The following PLAG1 variants were observed in gnomAD, a reference collection of about 807,000 sequenced individuals.
PLAG1 encodes the protein zinc finger protein PLAG1.
PLAG1 carries 7 observed loss-of-function variants against 35.5 expected under a neutral mutation model. That is an observed-to-expected ratio of 0.20 (90% CI 0.11 to 0.37). PLAG1 has a LOEUF of 0.37. Ranked by LOEUF, PLAG1 falls within the 10% of genes least tolerant of loss-of-function variation. PLAG1 has a pLI of 1.00. For missense variants in PLAG1, 454 were observed against 602.8 expected (o/e 0.75, Z 2.58); for synonymous variants, 229 against 225.4 (o/e 1.02, Z -0.14).
chr8:56,166,105 T>C lies in PLAG1; in HGVS notation c.*138A>G. On this transcript the variant is annotated 3_prime_UTR_variant, in exon 5 of 5. Coordinates refer to ENST00000316981, the MANE Select transcript of PLAG1 (RefSeq NM_002655.3). The stretch of plus-strand genomic sequence containing the variant: ...CTCAGTTTAAAAGCTAGTTTCTATT[T>C]TATACTGGCTTAATGAAAATTTGTA... 1 of 562,416 alleles carries C rather than the reference T, an allele frequency of 1.8e-6. No individual in the cohort carries two copies. Among genetic ancestry groups the C allele is most frequent in the Non-Finnish European group, 3.1e-6 (1 of 324,410 alleles). The allele number at this position is 562,416 out of a possible 1,614,324, so 34.8% of individuals were successfully genotyped here. A position where few individuals can be genotyped will look rare whatever the true frequency, so the allele number is the denominator to read the frequency against.
At chr8:56,202,389 G>T (rs945432588) in intron 1 of PLAG1, among the ~76,000 whole-genome samples, 1 of 152,136 alleles carries the variant, frequency 6.6e-6, no homozygotes. Flanking sequence ...CCATACACAG[G>T]GTGGCAGCAC....
chr8:56,178,159 T>G (rs891264590), intron 2 of PLAG1: 11 of 194,820 alleles, frequency 5.6e-5, no homozygotes, highest in African/African-American at 2.6e-4. Flanking sequence ...AAATTCAAAA[T>G]CTTTAAAAGA....
At chr8:56,201,803 G>A (rs1438538364) in intron 1 of PLAG1, among the ~76,000 whole-genome samples, 1 of 152,170 alleles carries the variant, frequency 6.6e-6, no homozygotes, top group Non-Finnish European at 1.5e-5. Context: ...AGCAAAGACT[G>A]ATAGGTAGCC....
At chr8:56,203,281 G>T (rs1812608982) in intron 1 of PLAG1, among the ~76,000 whole-genome samples, 1 of 152,108 alleles carries the variant, frequency 6.6e-6, no homozygotes, top group Non-Finnish European at 1.5e-5. Flanking sequence ...GTATATTTCA[G>T]CAGTAAATCA....
intron 1 of PLAG1, among the ~76,000 whole-genome samples, chr8:56,202,074 A>G (rs1279888029): frequency 6.6e-6 from 1 of 151,416 alleles, no homozygotes; most frequent in East Asian, 1.9e-4. Context: ...TTCTTATTTG[A>G]TCAATTTCAA....
chr8:56,207,702 T>C (rs1255082137), intron 1 of PLAG1, among the ~76,000 whole-genome samples: 3 of 152,070 alleles, frequency 2.0e-5, no homozygotes, highest in Non-Finnish European at 4.4e-5. Flanking sequence ...CTACACAATA[T>C]CATGACATTA....
chr8:56,192,897 CA>C, intron 1 of PLAG1, among the ~76,000 whole-genome samples: 1 of 151,824 alleles, frequency 6.6e-6, no homozygotes, highest in East Asian at 1.9e-4. Context: ...CAGACAGACA[CA>C]AACACAAAAG....
At chr8:56,195,607 G>C (rs559257830) in intron 1 of PLAG1, among the ~76,000 whole-genome samples, 15 of 152,304 alleles carry the variant, frequency 9.8e-5, no homozygotes, top group Admixed American at 9.8e-4. Context: ...TCCAGGGCTG[G>C]TGAAGACTGC....
chr8:56,210,061 C>A (rs570759238), intron 1 of PLAG1, among the ~76,000 whole-genome samples: 1 of 152,152 alleles, frequency 6.6e-6, no homozygotes, highest in Non-Finnish European at 1.5e-5. Flanking sequence ...ACCACCTCCC[C>A]CCTCGCTCCC....
At position 56,164,944 on chromosome 8, in the gene PLAG1, T is replaced by C. The variant is rs1469099380; in HGVS notation, c.*1299A>G. ...ATATATTTCTAGTCACTTAAAACTT[T>C]GTGGTAGTTCATCAGGTAGTTTTCT... is the stretch of plus-strand genomic sequence containing the variant. On this transcript the variant is annotated 3_prime_UTR_variant, in exon 5 of 5. Transcript: ENST00000316981. The C allele has an allele frequency of 4.8e-6, 1 of 208,510 alleles. No homozygotes were observed. The highest frequency in any genetic ancestry group is 9.8e-6 in the Non-Finnish European group (1 of 102,324). The allele number at this position is 208,510 out of a possible 1,614,324, so 12.9% of individuals were successfully genotyped here.
intron 1 of PLAG1, among the ~76,000 whole-genome samples, chr8:56,201,633 A>T (rs1812555675): frequency 6.6e-6 from 1 of 152,218 alleles, no homozygotes; most frequent in African/African-American, 2.4e-5. Context: ...CAAATAACAT[A>T]TAATAATTAG....
At chr8:56,194,818 C>T (rs1021408067) in intron 1 of PLAG1, among the ~76,000 whole-genome samples, 12 of 152,134 alleles carry the variant, frequency 7.9e-5, no homozygotes, top group Non-Finnish European at 1.5e-4. Flanking sequence ...AGTGAAGACT[C>T]TGAACCGTTT....
Position 56,164,543 on chromosome 8 carries a change from C to A in PLAG1, c.*1700G>T. 1 of 224,034 alleles carries A rather than the reference C, an allele frequency of 4.5e-6. No homozygotes were observed. The highest frequency in any genetic ancestry group is 8.9e-6 in the Non-Finnish European group (1 of 112,044). 13.9% of individuals were successfully genotyped at this position (224,034 alleles called of 1,614,324 possible). A position where few individuals can be genotyped will look rare whatever the true frequency, so the allele number is the denominator to read the frequency against. On this transcript the variant is annotated 3_prime_UTR_variant, in exon 5 of 5. Transcript: ENST00000316981. ...TTTCCATATAGGGCTAATGAGTGCT[C>A]AGAAATATTTTTCTTTCTGTTTTTT...
rs981020015 is a variant in PLAG1 at position 56,161,692 on chromosome 8, G to T, written c.*4551C>A. 1 of 227,440 alleles carries T rather than the reference G, an allele frequency of 4.4e-6. No individual in the cohort carries two copies. Among genetic ancestry groups the T allele is most frequent in the Non-Finnish European group, 8.8e-6 (1 of 114,216 alleles). The allele number at this position is 227,440 out of a possible 1,614,324, so 14.1% of individuals were successfully genotyped here. A position where few individuals can be genotyped will look rare whatever the true frequency, so the allele number is the denominator to read the frequency against. On this transcript the variant is annotated 3_prime_UTR_variant, in exon 5 of 5. Coordinates refer to ENST00000316981, the MANE Select transcript of PLAG1 (RefSeq NM_002655.3). ...TTAAGTCACAGTATAAAAATATATTGTACACTTTTACACCTAATGTAGTCC... is the reference window on the plus strand; with the variant it reads ...TTAAGTCACAGTATAAAAATATATTTTACACTTTTACACCTAATGTAGTCC...
chr8:56,169,771 A>G (rs2129225203), intron 3 of PLAG1, among the ~76,000 whole-genome samples: 1 of 152,328 alleles, frequency 6.6e-6, no homozygotes, highest in Non-Finnish European at 1.5e-5. Flanking sequence ...CTTGAACTCC[A>G]GGGCTCAAGC....
rs140193643 is a variant in PLAG1, at chr8:56,204,884, A to G, written c.-322+6237T>C. Among the ~76,000 whole-genome samples the G allele has an allele frequency of 3.0e-3, 451 of 152,052 alleles. 2 individuals are homozygous for G. Among genetic ancestry groups the G allele is most frequent in the African/African-American group, 9.5e-3 (393 of 41,560 alleles). On this transcript the variant is annotated intron_variant, in intron 1 of 4. Coordinates refer to ENST00000316981, the MANE Select transcript of PLAG1 (RefSeq NM_002655.3). ...AAAGGATTCTGTTGCCTTTTAAGAA[A>G]AGATGCCCCCTCCTCTCTCAAAATA...
At chr8:56,183,938 A>G (rs1168828492) in intron 1 of PLAG1, among the ~76,000 whole-genome samples, 2 of 152,212 alleles carry the variant, frequency 1.3e-5, no homozygotes, top group Admixed American at 6.5e-5. Flanking sequence ...CCTTGGTCAC[A>G]ACACCAAAAG....
At chr8:56,173,412 GGATT>G (rs1811589104) in intron 2 of PLAG1, among the ~76,000 whole-genome samples, 1 of 151,804 alleles carries the variant, frequency 6.6e-6, no homozygotes, top group African/African-American at 2.4e-5. Context: ...ATTATTCTTT[GGATT>G]GATATAATAA....
At chr8:56,209,785 C>G (rs1430963270) in intron 1 of PLAG1, among the ~76,000 whole-genome samples, 1 of 152,114 alleles carries the variant, frequency 6.6e-6, no homozygotes, top group Admixed American at 6.5e-5. Context: ...CCTCTCTATC[C>G]CTCCTCTGCA....
Sources: gnomAD v4.1 joint callset for allele counts (sites outside exome capture counted in the v4.1 genomes callset) on GRCh38, gnomAD v4.1.1 for gene constraint, MANE v1.5 for transcripts, NCBI Gene and HGNC (gene_info 2026-07-23, HGNC 2026-07-21) for gene names.